Variants in FHIT observed in about 807,000 individuals in gnomAD.
FHIT encodes the protein fragile histidine triad diadenosine triphosphatase.
A neutral mutation model predicts 17.9 loss-of-function variants in FHIT; 19 were observed. The observed-to-expected ratio is 1.06, with a 90% CI of 0.74 to 1.56. The LOEUF (loss-of-function observed/expected upper bound fraction) is 1.56, where lower values mean the gene tolerates loss of function less well. Ranked by LOEUF, FHIT falls within the 40% of genes most tolerant of loss-of-function variation. The pLI is 0.00. For synonymous variants in FHIT, 81 were observed against 69.7 expected, an observed-to-expected ratio of 1.16 and a Z score of -0.81; for missense variants, 248 against 189.2, an observed-to-expected ratio of 1.31 and a Z score of -1.82.
intron 5 of FHIT, among the ~76,000 whole-genome samples, chr3:60,283,839 G>A (rs1038563677): frequency 1.3e-5 from 2 of 152,022 alleles, no homozygotes; most frequent in Non-Finnish European, 2.9e-5. Flanking sequence ...GAGACTATGG[G>A]CCAAAGGTAT....
chr3:61,191,718 A>C (rs990834576), intron 2 of FHIT, among the ~76,000 whole-genome samples: 1 of 152,152 alleles, frequency 6.6e-6, no homozygotes, highest in Non-Finnish European at 1.5e-5. Context: ...CTTTAGCTCC[A>C]AGGGCAGCTG....
intron 5 of FHIT, among the ~76,000 whole-genome samples, chr3:60,075,324 C>T (rs916800486): frequency 3.9e-5 from 6 of 152,010 alleles, no homozygotes; most frequent in Admixed American, 6.6e-5. Flanking sequence ...TACAGTTCCT[C>T]AGCCAAGATC....
At chr3:61,095,536 C>T (rs1352983777) in intron 2 of FHIT, among the ~76,000 whole-genome samples, 3 of 152,140 alleles carry the variant, frequency 2.0e-5, no homozygotes, top group East Asian at 1.9e-4. Context: ...TTGCATCTGC[C>T]CAATAACATA....
At chr3:60,995,865 T>C (rs2030636436) in intron 3 of FHIT, among the ~76,000 whole-genome samples, 2 of 152,204 alleles carry the variant, frequency 1.3e-5, no homozygotes, top group African/African-American at 4.8e-5. Flanking sequence ...GGCCTCTCTG[T>C]ATCTATTGTA....
chr3:59,941,000 G>C (rs1229961673), intron 7 of FHIT, among the ~76,000 whole-genome samples: 1 of 151,922 alleles, frequency 6.6e-6, no homozygotes, highest in African/African-American at 2.4e-5. Context: ...CCATACTCAC[G>C]GCCATGATCC....
chr3:60,322,298 A>G (rs191671088), intron 5 of FHIT, among the ~76,000 whole-genome samples: 1 of 152,350 alleles, frequency 6.6e-6, no homozygotes, highest in African/African-American at 2.4e-5. Flanking sequence ...CTTATAATAC[A>G]TGACATACTA....
intron 7 of FHIT, among the ~76,000 whole-genome samples, chr3:59,995,880 A>T (rs767967293): frequency 3.3e-5 from 5 of 152,134 alleles, no homozygotes; most frequent in Non-Finnish European, 7.4e-5. Flanking sequence ...GACTGACACT[A>T]AACTGAAATC....
At chr3:61,032,264 A>T (rs1242835980) in intron 3 of FHIT, among the ~76,000 whole-genome samples, 1 of 152,154 alleles carries the variant, frequency 6.6e-6, no homozygotes, top group Non-Finnish European at 1.5e-5. Context: ...TAACCTCCTC[A>T]TGGCTCCCTC....
At chr3:60,213,102 C>T (rs531622448) in intron 5 of FHIT, among the ~76,000 whole-genome samples, 7 of 152,166 alleles carry the variant, frequency 4.6e-5, no homozygotes, top group South Asian at 2.1e-4. Flanking sequence ...CCTTGGCTGA[C>T]GATGACAAGA....
At chr3:60,682,866 T>C (rs1265300269) in intron 4 of FHIT, among the ~76,000 whole-genome samples, 2 of 152,236 alleles carry the variant, frequency 1.3e-5, no homozygotes, top group African/African-American at 4.8e-5. Flanking sequence ...CCATGCTGGA[T>C]GTCATTGAGA....
chr3:59,955,602 G>C (rs1021138447), intron 7 of FHIT, among the ~76,000 whole-genome samples: 1 of 152,098 alleles, frequency 6.6e-6, no homozygotes, highest in Non-Finnish European at 1.5e-5. Context: ...TCATAGAAGA[G>C]TCTCAACCCA....
chr3:60,532,069 C>T (rs188917796), intron 5 of FHIT, among the ~76,000 whole-genome samples: 120 of 152,210 alleles, frequency 7.9e-4, no homozygotes, highest in African/African-American at 2.5e-3. Flanking sequence ...TAACATTCTG[C>T]GTGAGATGGT....
At chr3:60,141,109 G>T (rs1372017758) in intron 5 of FHIT, among the ~76,000 whole-genome samples, 2 of 152,108 alleles carry the variant, frequency 1.3e-5, no homozygotes, top group African/African-American at 4.8e-5. Context: ...ACATCAATCT[G>T]TCAGTCATCT....
chr3:61,080,768 T>C (rs2035111817), intron 2 of FHIT, among the ~76,000 whole-genome samples: 1 of 151,992 alleles, frequency 6.6e-6, no homozygotes, highest in Non-Finnish European at 1.5e-5. Context: ...CTGACAGCTT[T>C]GAAAGAGATG....
intron 2 of FHIT, among the ~76,000 whole-genome samples, chr3:61,108,288 G>T (rs2036051062): frequency 6.6e-6 from 1 of 152,012 alleles, no homozygotes; most frequent in South Asian, 2.1e-4. Flanking sequence ...AAAAAGTGCT[G>T]CTACCTTAAG....
intron 5 of FHIT, among the ~76,000 whole-genome samples, chr3:60,187,911 T>A (rs1046306329): frequency 6.6e-6 from 1 of 152,194 alleles, no homozygotes; most frequent in African/African-American, 2.4e-5. Context: ...TTCTACCTAT[T>A]TATGTGGGGA....
chr3:59,833,844 T>C (rs1453942524), intron 8 of FHIT, among the ~76,000 whole-genome samples: 1 of 152,124 alleles, frequency 6.6e-6, no homozygotes, highest in Non-Finnish European at 1.5e-5. Context: ...GATAGTGAGT[T>C]CTCAAGAGAT....
chr3:60,576,949 T>TACACACACATACACACAC (rs1553657819), intron 4 of FHIT, among the ~76,000 whole-genome samples: 3 of 146,746 alleles, frequency 2.0e-5, no homozygotes, highest in African/African-American at 7.5e-5. Context: ...TCCATTTGCA[T>TACACACACATACACACAC]ACACACACAC....
At chr3:60,223,806 C>G (rs1387559349) in intron 5 of FHIT, among the ~76,000 whole-genome samples, 2 of 152,094 alleles carry the variant, frequency 1.3e-5, no homozygotes, top group African/African-American at 2.4e-5. Flanking sequence ...GTTTTTCTCC[C>G]CTTCAGTAAC....
Sources: allele counts gnomAD v4.1 joint callset (sites outside exome capture counted in the v4.1 genomes callset), GRCh38; gene constraint gnomAD v4.1.1; transcripts MANE v1.5; gene names NCBI Gene and HGNC (gene_info 2026-07-23, HGNC 2026-07-21).